The following HCN1 variants were observed in gnomAD, a reference collection of about 807,000 sequenced individuals.
HCN1 encodes the protein potassium/sodium hyperpolarization-activated cyclic nucleotide-gated channel 1.
A neutral mutation model predicts 78.9 loss-of-function variants in HCN1; 13 were observed. The observed-to-expected ratio is 0.16, with a 90% CI of 0.11 to 0.26. The LOEUF is 0.26. Among genes scored for constraint, HCN1 ranks in the 10% least tolerant of loss-of-function variants. The pLI, the probability that HCN1 is intolerant of heterozygous loss-of-function variation, is 1.00. For missense variants in HCN1, 810 were observed against 1,154.3 expected (o/e 0.70, Z 4.32); for synonymous variants, 552 against 455.5 (o/e 1.21, Z -2.70).
At chr5:45,265,451 T>C (rs1020828681) in intron 7 of HCN1, among the ~76,000 whole-genome samples, 1 of 152,212 alleles carries the variant, frequency 6.6e-6, no homozygotes, top group African/African-American at 2.4e-5. Flanking sequence ...TCTCCCTGAA[T>C]GAGTAGGTCT....
intron 2 of HCN1, among the ~76,000 whole-genome samples, chr5:45,478,562 C>G (rs1741575006): frequency 6.6e-6 from 1 of 152,086 alleles, no homozygotes; most frequent in South Asian, 2.1e-4. Context: ...TGATAGTTAT[C>G]CGTACTAATT....
At chr5:45,319,258 C>T (rs562439523) in intron 5 of HCN1, among the ~76,000 whole-genome samples, 13 of 152,020 alleles carry the variant, frequency 8.6e-5, no homozygotes, top group African/African-American at 3.1e-4. Flanking sequence ...TACTTCACTA[C>T]AGTTGCTGCC....
intron 1 of HCN1, among the ~76,000 whole-genome samples, chr5:45,659,928 C>T (rs1447172768): frequency 4.1e-5 from 6 of 144,850 alleles, no homozygotes; most frequent in Non-Finnish European, 7.5e-5. Flanking sequence ...GGCAGGCCAA[C>T]GTTCAGATTC....
chr5:45,678,999 C>G (rs187976300), intron 1 of HCN1, among the ~76,000 whole-genome samples: 19 of 152,004 alleles, frequency 1.2e-4, no homozygotes, highest in Admixed American at 1.2e-3. Flanking sequence ...AGAATATCAC[C>G]TAAATAACTA....
chr5:45,673,959 T>C (rs1293634188), intron 1 of HCN1, among the ~76,000 whole-genome samples: 1 of 151,622 alleles, frequency 6.6e-6, no homozygotes, highest in Non-Finnish European at 1.5e-5. Context: ...TAATTACGTA[T>C]GTTAAGTGAA....
rs1362460579 is a variant in HCN1, at chr5:45,262,135, G to A, written c.2459C>T (p.Thr820Met). ...ESLASIPQPVTAVPGTGLQAG... is the reference protein window; with the variant it reads ...ESLASIPQPVMAVPGTGLQAG... ...CTGAAGGCCCGTTCCGGGGACCGCC[G>A]TCACGGGTTGAGGGATGGAGGCCAG... Residue 820 changes from threonine (T) to methionine (M), a missense_variant, in exon 8 of 8, where the codon ACG becomes ATG. By Grantham distance (81) the Thr-to-Met change is moderately conservative (BLOSUM62 -1). Around this residue, in one of 6 missense-constraint regions of HCN1, gnomAD observed 398 missense variants for 381.3 expected, o/e 1.04. Coordinates refer to ENST00000303230, the MANE Select transcript of HCN1 (RefSeq NM_021072.4). 6.2e-7 allele frequency: 1 copy of A among 1,613,372 alleles called. No homozygotes were observed. Among genetic ancestry groups the A allele is most frequent in the South Asian group, 1.1e-5 (1 of 91,072 alleles).
At chr5:45,586,068 T>C (rs1744212327) in intron 2 of HCN1, among the ~76,000 whole-genome samples, 1 of 152,166 alleles carries the variant, frequency 6.6e-6, no homozygotes, top group African/African-American at 2.4e-5. Flanking sequence ...ACAGGGACAT[T>C]TAAGTCTGCA....
chr5:45,630,823 A>AT (rs1745258419), intron 2 of HCN1, among the ~76,000 whole-genome samples: 3 of 151,904 alleles, frequency 2.0e-5, no homozygotes, highest in Middle Eastern at 3.4e-3. Flanking sequence ...TTTTTTTTAA[A>AT]TTTTTTATTT....
chr5:45,564,471 C>T (rs1286218420), intron 2 of HCN1, among the ~76,000 whole-genome samples: 4 of 151,996 alleles, frequency 2.6e-5, no homozygotes, highest in Non-Finnish European at 4.4e-5. Context: ...CTCCTGACCT[C>T]GTGATCTGCC....
At chr5:45,545,055 A>G (rs986569709) in intron 2 of HCN1, among the ~76,000 whole-genome samples, 13 of 152,134 alleles carry the variant, frequency 8.5e-5, no homozygotes, top group Non-Finnish European at 1.3e-4. Flanking sequence ...ACTAGTTTAC[A>G]GTCCCACCAA....
intron 5 of HCN1, among the ~76,000 whole-genome samples, chr5:45,332,850 AT>A (rs1746374426): frequency 1.3e-5 from 2 of 151,598 alleles, no homozygotes; most frequent in South Asian, 4.1e-4. Context: ...AAAGTAATTC[AT>A]TTTGTATAAG....
At chr5:45,356,094 C>G (rs7727853) in intron 4 of HCN1, among the ~76,000 whole-genome samples, 3 of 151,640 alleles carry the variant, frequency 2.0e-5, no homozygotes, top group African/African-American at 7.3e-5. Context: ...GTAGTCAGAC[C>G]GTGAAACAAA....
chr5:45,615,496 G>T (rs1174111208), intron 2 of HCN1, among the ~76,000 whole-genome samples: 1 of 151,976 alleles, frequency 6.6e-6, no homozygotes, highest in African/African-American at 2.4e-5. Context: ...TGTGGGTACA[G>T]AATGTAGTGT....
chr5:45,406,251 TTAACA>T (rs1161578237), intron 3 of HCN1, among the ~76,000 whole-genome samples: 1 of 152,136 alleles, frequency 6.6e-6, no homozygotes, highest in Non-Finnish European at 1.5e-5. Context: ...TACCTCTTTG[TTAACA>T]TAAATAAATA....
chr5:45,292,430 C>G (rs560222482), intron 6 of HCN1, among the ~76,000 whole-genome samples: 1 of 151,982 alleles, frequency 6.6e-6, no homozygotes, highest in Non-Finnish European at 1.5e-5. Context: ...ACATTTTCAT[C>G]ACAACAGAAA....
intron 4 of HCN1, among the ~76,000 whole-genome samples, chr5:45,392,245 T>C (rs973671370): frequency 1.3e-5 from 2 of 152,112 alleles, no homozygotes; most frequent in African/African-American, 4.8e-5. Flanking sequence ...AAATTTGAAA[T>C]ATTAGGTTGA....
At chr5:45,299,158 GT>G (rs1171191449) in intron 6 of HCN1, among the ~76,000 whole-genome samples, 1 of 151,974 alleles carries the variant, frequency 6.6e-6, no homozygotes, top group Admixed American at 6.6e-5. Flanking sequence ...GTGGTATTAT[GT>G]ATCAGATTCT....
chr5:45,361,275 G>A (rs1269094348), intron 4 of HCN1, among the ~76,000 whole-genome samples: 3 of 152,006 alleles, frequency 2.0e-5, no homozygotes, highest in African/African-American at 7.2e-5. Flanking sequence ...TCGGCCTCCT[G>A]GGTTCTAGTG....
At chr5:45,655,743 C>A (rs1745752544) in intron 1 of HCN1, among the ~76,000 whole-genome samples, 1 of 151,984 alleles carries the variant, frequency 6.6e-6, no homozygotes, top group Admixed American at 6.6e-5. Flanking sequence ...GTCCTTATGC[C>A]CATATAGTAG....
Sources: allele counts gnomAD v4.1 joint callset (sites outside exome capture counted in the v4.1 genomes callset), GRCh38; gene constraint gnomAD v4.1.1; regional missense constraint gnomAD v4.1.1; transcripts MANE v1.5; gene names NCBI Gene and HGNC (gene_info 2026-07-23, HGNC 2026-07-21).